Variants in AKT3 observed in about 807,000 individuals in gnomAD.
AKT3 encodes RAC-gamma serine/threonine-protein kinase.
Under a neutral mutation model 65.3 loss-of-function variants are expected in AKT3, and 15 were observed. The ratio of observed to expected loss-of-function variants is 0.23; its 90% CI spans 0.15 to 0.35. The LOEUF is 0.35. Among genes scored for constraint, AKT3 ranks in the 10% least tolerant of loss-of-function variants. The pLI, the probability that AKT3 is intolerant of heterozygous loss-of-function variation, is 1.00. For missense variants in AKT3, 243 were observed against 576.5 expected (o/e 0.42, Z 5.92); for synonymous variants, 206 against 183.8 (o/e 1.12, Z -0.98).
chr1:243,757,240 T>C (rs1689195001), intron 2 of AKT3, among the ~76,000 whole-genome samples: 1 of 152,238 alleles, frequency 6.6e-6, no homozygotes, highest in Non-Finnish European at 1.5e-5. Context: ...ATACTCTTTT[T>C]ACATAAGAGC....
chr1:243,489,461 G>A (rs1665846456), intron 13 of AKT3, among the ~76,000 whole-genome samples: 1 of 152,208 alleles, frequency 6.6e-6, no homozygotes, highest in African/African-American at 2.4e-5. Flanking sequence ...GGCCGTGGGC[G>A]GCAGAACAGG....
chr1:243,847,450 C>A (rs1047408980), intron 1 of AKT3, among the ~76,000 whole-genome samples: 2 of 152,034 alleles, frequency 1.3e-5, no homozygotes, highest in African/African-American at 4.8e-5. Context: ...TATCTTTTCA[C>A]GAAAATACAC....
At chr1:243,527,983 T>C (rs1671271144) in intron 12 of AKT3, among the ~76,000 whole-genome samples, 1 of 144,236 alleles carries the variant, frequency 6.9e-6, no homozygotes, top group Non-Finnish European at 1.5e-5. Context: ...AGTCAGAAAC[T>C]ACCATAACTT....
At position 243,691,196 on chromosome 1, in the gene AKT3, C is replaced by A. The variant is rs143283843; in HGVS notation, c.172+4395G>T. Among the ~76,000 whole-genome samples the A allele has an allele frequency of 1.7e-3, 254 of 152,202 alleles. 1 individual carries two copies. Among genetic ancestry groups the A allele is most frequent in the Non-Finnish European group, 1.7e-3 (116 of 68,006 alleles). On this transcript the variant is annotated intron_variant, in intron 3 of 13. Coordinates refer to ENST00000673466, the MANE Select transcript of AKT3 (RefSeq NM_005465.7). ...ATCGAAGGGAACAGCATAAACAAAGCCTCAGAGTGGAAAAGCAGCATAGGT... is the reference window on the plus strand; with the variant it reads ...ATCGAAGGGAACAGCATAAACAAAGACTCAGAGTGGAAAAGCAGCATAGGT...
chr1:243,520,949 G>GT (rs1670683128), intron 12 of AKT3, among the ~76,000 whole-genome samples: 1 of 152,220 alleles, frequency 6.6e-6, no homozygotes, highest in Admixed American at 6.5e-5. Flanking sequence ...GGTTGTTAGA[G>GT]TAAGTCACAT....
chr1:243,743,898 A>G (rs116273174), intron 2 of AKT3, among the ~76,000 whole-genome samples: 45 of 152,316 alleles, frequency 3.0e-4, no homozygotes, highest in African/African-American at 1.1e-3. Flanking sequence ...TGAAACTTAC[A>G]AACTGCTGCT....
chr1:243,588,164 G>A (rs1208794367), intron 8 of AKT3, among the ~76,000 whole-genome samples: 1 of 152,148 alleles, frequency 6.6e-6, no homozygotes, highest in East Asian at 1.9e-4. Flanking sequence ...GCATTTGCAG[G>A]ACAGAACACT....
intron 2 of AKT3, among the ~76,000 whole-genome samples, chr1:243,781,539 C>T (rs894445350): frequency 2.0e-5 from 3 of 152,080 alleles, no homozygotes; most frequent in Admixed American, 2.0e-4. Context: ...AATATTAACC[C>T]TATTTTTTAC....
intron 2 of AKT3, among the ~76,000 whole-genome samples, chr1:243,704,116 T>C (rs1366031926): frequency 2.0e-5 from 3 of 152,222 alleles, no homozygotes; most frequent in Non-Finnish European, 4.4e-5. Context: ...CTGTGAAAAT[T>C]GAGCAATGTC....
At chr1:243,742,752 C>G (rs1173805704) in intron 2 of AKT3, among the ~76,000 whole-genome samples, 1 of 152,054 alleles carries the variant, frequency 6.6e-6, no homozygotes, top group African/African-American at 2.4e-5. Context: ...AAACCGATTT[C>G]TCCTCATAAG....
Position 243,642,458 on chromosome 1 carries a change from C to T in AKT3, c.429+3435G>A, listed in dbSNP as rs372347286. On this transcript the variant is annotated intron_variant, in intron 5 of 13. Transcript: ENST00000673466. ...CCGAGTAGCTGGGACTACAGGCGCC[C>T]GCCACCACGCCTGGTTAATTTTTTG... Among the ~76,000 whole-genome samples, 66 of 152,212 alleles carry T rather than the reference C, an allele frequency of 4.3e-4. No homozygotes were observed. The East Asian group carries it at 4.5e-3, about 10-fold the overall frequency.
intron 12 of AKT3, among the ~76,000 whole-genome samples, chr1:243,527,437 C>G (rs930378674): frequency 4.0e-4 from 61 of 152,152 alleles, no homozygotes; most frequent in Admixed American, 2.0e-4. Flanking sequence ...TAGAATACCT[C>G]TTAAATCTTT....
intron 12 of AKT3, among the ~76,000 whole-genome samples, chr1:243,542,911 C>A (rs1356327747): frequency 6.6e-6 from 1 of 152,160 alleles, no homozygotes; most frequent in Non-Finnish European, 1.5e-5. Context: ...TCGCGGGTCA[C>A]ACAGGACACC....
intron 6 of AKT3, among the ~76,000 whole-genome samples, chr1:243,635,467 A>G (rs1187538412): frequency 1.3e-5 from 2 of 152,032 alleles, no homozygotes; most frequent in East Asian, 3.8e-4. Context: ...CAACAAAGCC[A>G]AAAGTTGGTT....
intron 10 of AKT3, among the ~76,000 whole-genome samples, chr1:243,553,358 C>G (rs1342811357): frequency 6.6e-6 from 1 of 152,162 alleles, no homozygotes; most frequent in Non-Finnish European, 1.5e-5. Flanking sequence ...ATAAAGTGCA[C>G]TGTACATTCT....
intron 2 of AKT3, among the ~76,000 whole-genome samples, chr1:243,831,130 T>G (rs548550455): frequency 2.0e-5 from 3 of 152,312 alleles, no homozygotes; most frequent in Admixed American, 2.0e-4. Context: ...ACTTCTAGAA[T>G]CATTATTTTC....
intron 2 of AKT3, among the ~76,000 whole-genome samples, chr1:243,802,626 T>C (rs1434898429): frequency 6.6e-6 from 1 of 152,200 alleles, no homozygotes; most frequent in Admixed American, 6.5e-5. Context: ...CTATTTTATA[T>C]TTTTGTGTAA....
chr1:243,685,063 G>C (rs1684191356), intron 3 of AKT3, among the ~76,000 whole-genome samples: 1 of 152,086 alleles, frequency 6.6e-6, no homozygotes, highest in Non-Finnish European at 1.5e-5. Flanking sequence ...CCCTTTGACA[G>C]GTGGATAGAT....
chr1:243,775,749 T>C (rs1690507423), intron 2 of AKT3, among the ~76,000 whole-genome samples: 2 of 152,202 alleles, frequency 1.3e-5, no homozygotes. Context: ...CCAAAATATA[T>C]TTAAGATCCA....
Sources: gnomAD v4.1 joint callset for allele counts (sites outside exome capture counted in the v4.1 genomes callset) on GRCh38, gnomAD v4.1.1 for gene constraint, MANE v1.5 for transcripts, NCBI Gene and HGNC (gene_info 2026-07-23, HGNC 2026-07-21) for gene names.